The following PRKCE variants were observed in gnomAD, a reference collection of about 807,000 sequenced individuals.
PRKCE encodes protein kinase C epsilon.
A neutral mutation model predicts 85.4 loss-of-function variants in PRKCE; 16 were observed. The observed-to-expected ratio is 0.19, with a 90% CI of 0.13 to 0.28. PRKCE has a LOEUF of 0.28. Among genes scored for constraint, PRKCE ranks in the 10% least tolerant of loss-of-function variants. The pLI is 1.00. For synonymous variants in PRKCE, 388 were observed against 371.5 expected (o/e 1.04, Z -0.51); for missense variants, 573 against 975.2 (o/e 0.59, Z 5.49).
chr2:45,968,699 T>A (rs1558898547), intron 2 of PRKCE, among the ~76,000 whole-genome samples: 1 of 152,178 alleles, frequency 6.6e-6, no homozygotes, highest in African/African-American at 2.4e-5. Context: ...CTAAGAACAC[T>A]GAGGTTGTGG....
intron 1 of PRKCE, among the ~76,000 whole-genome samples, chr2:45,670,250 C>T (rs558960107): frequency 6.6e-5 from 10 of 152,160 alleles, no homozygotes; most frequent in South Asian, 2.1e-4. Flanking sequence ...TGTTAAGAAC[C>T]TTTAGGGTTT....
chr2:45,788,525 G>GC (rs1250494209), intron 1 of PRKCE, among the ~76,000 whole-genome samples: 2 of 152,130 alleles, frequency 1.3e-5, no homozygotes, highest in Admixed American at 6.5e-5. Context: ...CAATCAGGGG[G>GC]CCTGCTTCTA....
intron 11 of PRKCE, among the ~76,000 whole-genome samples, chr2:46,099,766 G>A (rs774172456): frequency 5.3e-5 from 8 of 152,074 alleles, no homozygotes. Flanking sequence ...TACATTTATC[G>A]AGAAAACTCC....
chr2:45,941,410 G>A (rs1325263014), intron 2 of PRKCE, among the ~76,000 whole-genome samples: 4 of 152,178 alleles, frequency 2.6e-5, no homozygotes, highest in African/African-American at 4.8e-5. Context: ...AGGAAAAGAC[G>A]TGGCCTCCAG....
At position 45,652,942 on chromosome 2, in the gene PRKCE, T is replaced by C. The variant is rs1194307000; in HGVS notation, c.348+494T>C. 1.3e-5 allele frequency among the ~76,000 whole-genome samples: 2 copies of C among 152,186 alleles called. No individual in the cohort carries two copies. The highest frequency in any genetic ancestry group is 4.8e-5 in the African/African-American group (2 of 41,456). The stretch of plus-strand genomic sequence containing the variant: ...CTCCGAGAGGAAGCTGGCTTGTTTC[T>C]ATTCTCTTGCATGGTGGTTAGCTCA... On this transcript the variant is annotated intron_variant, in intron 1 of 14. Coordinates refer to ENST00000306156, the MANE Select transcript of PRKCE (RefSeq NM_005400.3). This position sits in a 1 kb window ranked among gnomAD's most constrained non-coding sequence, Gnocchi z 7.7.
intron 2 of PRKCE, among the ~76,000 whole-genome samples, chr2:45,873,116 C>T (rs918840615): frequency 5.3e-5 from 8 of 152,186 alleles, no homozygotes; most frequent in Admixed American, 3.9e-4. Flanking sequence ...TAAACTGGAG[C>T]GATGGCTCTC....
At chr2:45,660,582 A>C (rs890314163) in intron 1 of PRKCE, among the ~76,000 whole-genome samples, 1 of 152,200 alleles carries the variant, frequency 6.6e-6, no homozygotes, top group East Asian at 1.9e-4. Context: ...CGAAATTTCA[A>C]ATTCCGGCGC....
intron 1 of PRKCE, among the ~76,000 whole-genome samples, chr2:45,692,980 G>A (rs1230624892): frequency 6.6e-6 from 1 of 152,182 alleles, no homozygotes; most frequent in Non-Finnish European, 1.5e-5. Context: ...GTAACAATGT[G>A]TAAGGGAAGG....
chr2:45,945,654 C>G (rs773149586), intron 2 of PRKCE, among the ~76,000 whole-genome samples: 31 of 152,226 alleles, frequency 2.0e-4, no homozygotes, highest in Non-Finnish European at 2.8e-4. Flanking sequence ...TGAGCTATCA[C>G]GTTCAACCCT....
chr2:45,843,860 T>C (rs1371255830), intron 2 of PRKCE, among the ~76,000 whole-genome samples: 1 of 152,208 alleles, frequency 6.6e-6, no homozygotes, highest in Non-Finnish European at 1.5e-5. Flanking sequence ...GACAGAACAG[T>C]TGGCTTTAAT....
chr2:45,940,785 G>A (rs1433176515), intron 2 of PRKCE, among the ~76,000 whole-genome samples: 4 of 152,056 alleles, frequency 2.6e-5, no homozygotes, highest in Non-Finnish European at 4.4e-5. Context: ...CTGGCCGGGC[G>A]TGGTGGCTCA....
chr2:45,861,272 C>T (rs1362768958), intron 2 of PRKCE, among the ~76,000 whole-genome samples: 3 of 152,102 alleles, frequency 2.0e-5, no homozygotes, highest in Non-Finnish European at 4.4e-5. Flanking sequence ...CCTTGTAACT[C>T]CTGGGAGATA....
intron 3 of PRKCE, chr2:45,978,752 G>T: frequency 5.8e-6 from 3 of 519,274 alleles, no homozygotes; most frequent in Non-Finnish European, 1.0e-5. Flanking sequence ...AAGCTCTGAT[G>T]CTGACCAAAC....
chr2:45,887,008 T>G (rs1270897811), intron 2 of PRKCE, among the ~76,000 whole-genome samples: 2 of 152,042 alleles, frequency 1.3e-5, no homozygotes, highest in Non-Finnish European at 2.9e-5. Flanking sequence ...AAGCTCAGAG[T>G]TTAAGTAATA....
At chr2:46,118,388 G>C (rs1226671054) in intron 11 of PRKCE, among the ~76,000 whole-genome samples, 2 of 152,150 alleles carry the variant, frequency 1.3e-5, no homozygotes, top group Non-Finnish European at 2.9e-5. Flanking sequence ...TGGTAAAGGA[G>C]GTTTTCACAG....
chr2:45,867,738 TG>T (rs1194444000), intron 2 of PRKCE, among the ~76,000 whole-genome samples: 2 of 152,370 alleles, frequency 1.3e-5, no homozygotes, highest in East Asian at 3.9e-4. Context: ...GGAGTGTGTG[TG>T]TGTGCACGTG....
intron 10 of PRKCE, among the ~76,000 whole-genome samples, chr2:46,012,072 G>A (rs963687857): frequency 1.3e-5 from 2 of 152,146 alleles, no homozygotes; most frequent in African/African-American, 4.8e-5. Context: ...GTTTGTGTGT[G>A]TACAGAATCC....
At chr2:46,051,961 C>T (rs1267810153) in intron 10 of PRKCE, among the ~76,000 whole-genome samples, 1 of 152,158 alleles carries the variant, frequency 6.6e-6, no homozygotes, top group Non-Finnish European at 1.5e-5. Context: ...ATCACAAGAA[C>T]AGCATGGGGA....
intron 1 of PRKCE, among the ~76,000 whole-genome samples, chr2:45,655,268 G>T: frequency 6.6e-6 from 1 of 151,992 alleles, no homozygotes; most frequent in Non-Finnish European, 1.5e-5. Flanking sequence ...CCCATGGCCT[G>T]TTAGCCACAT....
Sources: gnomAD v4.1 joint callset for allele counts (sites outside exome capture counted in the v4.1 genomes callset) on GRCh38, gnomAD v4.1.1 for gene constraint, Gnocchi (gnomAD v3.1) non-coding constraint, MANE v1.5 for transcripts, NCBI Gene and HGNC (gene_info 2026-07-23, HGNC 2026-07-21) for gene names.